SLC1A2: variants seen among roughly 807,000 people sequenced by gnomAD.
The protein encoded by SLC1A2 is solute carrier family 1 member 2.
SLC1A2 carries 15 observed loss-of-function variants against 48.8 expected under a neutral mutation model. That is an observed-to-expected ratio of 0.31 (90% confidence interval 0.21 to 0.47). The LOEUF is 0.47. Among genes scored for constraint, SLC1A2 ranks in the 20% least tolerant of loss-of-function variants. The pLI is 0.99. For synonymous variants in SLC1A2, 279 were observed against 272.6 expected (o/e 1.02, Z -0.23); for missense variants, 502 against 730.5 (o/e 0.69, Z 3.61).
At chr11:35,344,189 A>C (rs1054754914) in intron 1 of SLC1A2, among the ~76,000 whole-genome samples, 1 of 152,220 alleles carries the variant, frequency 6.6e-6, no homozygotes, top group Non-Finnish European at 1.5e-5. Context: ...ACAGCAGTGA[A>C]TACCATAGAG....
intron 9 of SLC1A2, among the ~76,000 whole-genome samples, chr11:35,274,933 A>G (rs1850392337): frequency 6.6e-6 from 1 of 152,158 alleles, no homozygotes; most frequent in Non-Finnish European, 1.5e-5. Flanking sequence ...ACTCAAAAAA[A>G]AGTAGAGGTG....
In SLC1A2 at chr11:35,333,091, C is replaced by T. The variant is rs151182557; in HGVS notation, c.18-15575G>A. 4.0e-3 allele frequency among the ~76,000 whole-genome samples: 607 copies of T among 152,218 alleles called. 23 individuals are homozygous for T. Among genetic ancestry groups the T allele is most frequent in the Admixed American group, 0.031 (476 of 15,292 alleles). ...ATTCACTCTCCGAACAGGTCTCTTT[C>T]GCAGCTACTCAAAAAACATAACCTT... On this transcript the variant is annotated intron_variant, in intron 1 of 10. Transcript: ENST00000278379.
At chr11:35,296,700 T>A (rs368724336) in intron 6 of SLC1A2, among the ~76,000 whole-genome samples, 2 of 152,110 alleles carry the variant, frequency 1.3e-5, no homozygotes, top group Admixed American at 6.5e-5. Context: ...CTGCCACTTC[T>A]TCCTCTTGGA....
At chr11:35,322,969 A>G in intron 1 of SLC1A2, 1 of 582,136 alleles carries the variant, frequency 1.7e-6, no homozygotes. Context: ...AACTGTGTCA[A>G]AGATGTTTAC....
intron 1 of SLC1A2, among the ~76,000 whole-genome samples, chr11:35,403,798 A>T (rs543437071): frequency 1.0e-5 from 1 of 98,712 alleles, no homozygotes; most frequent in East Asian, 3.1e-4. Flanking sequence ...ATCTTATGAC[A>T]TGAGAAACTC....
Position 35,315,121 on chromosome 11 carries a change from T to A in SLC1A2, c.212A>T (p.His71Leu), listed in dbSNP as rs1275690532. ...GGLLRLASPI[H>L]PDVVMLIAFP... The stretch of plus-strand genomic sequence containing the variant: ...GGCTATTAACATAACCACATCAGGG[T>A]GGATGGGAGATGCCAAGCGAAGAAG... Residue 71 changes from histidine (H) to leucine (L), a missense_variant, in exon 3 of 11, where the codon CAC (histidine) becomes CTC (leucine). Physicochemically the swap from His to Leu is moderately conservative, Grantham distance 99. Around this residue, in one of 4 missense-constraint regions of SLC1A2, gnomAD observed 89 missense variants for 119.7 expected, o/e 0.74. Transcript: ENST00000278379. 6.2e-7 allele frequency: 1 copy of A among 1,612,520 alleles called. No homozygotes were observed. The highest frequency in any genetic ancestry group is 8.5e-7 in the Non-Finnish European group (1 of 1,178,714).
chr11:35,263,715 T>C (rs1950433623), intron 10 of SLC1A2, among the ~76,000 whole-genome samples: 2 of 152,248 alleles, frequency 1.3e-5, no homozygotes, highest in Non-Finnish European at 2.9e-5. Flanking sequence ...ACATAATTTT[T>C]CCTCATATGG....
At chr11:35,304,366 A>C (rs1851440781) in intron 5 of SLC1A2, among the ~76,000 whole-genome samples, 1 of 152,126 alleles carries the variant, frequency 6.6e-6, no homozygotes, top group South Asian at 2.1e-4. Context: ...TGGGTGTTTT[A>C]AGTTATGACC....
rs1301620270 is a variant in SLC1A2 at position 35,257,863 on chromosome 11, CT to C, written c.*3030del. 6.6e-6 allele frequency: 1 copy of C among 152,164 alleles called. No individual in the cohort carries two copies. The highest frequency in any genetic ancestry group is 1.5e-5 in the Non-Finnish European group (1 of 68,026). The allele number at this position is 152,164 out of a possible 1,614,324, so 9.4% of individuals were successfully genotyped here. ...GATGCAGTGTATGTATGTTTCTGGC[CT>C]GCTGTAACTGTATATAAATATAACA... On this transcript the variant is annotated 3_prime_UTR_variant, in exon 11 of 11. Transcript: ENST00000278379.
chr11:35,378,021 A>G lies in SLC1A2; in HGVS notation c.17+40929T>C, dbSNP rs116370740. Among the ~76,000 whole-genome samples, 725 of 152,358 alleles carry G rather than the reference A, an allele frequency of 4.8e-3. 6 individuals carry two copies. Among genetic ancestry groups the G allele is most frequent in the African/African-American group, 0.016 (670 of 41,580 alleles). On this transcript the variant is annotated intron_variant, in intron 1 of 10. Transcript: ENST00000278379. ...TGTGCAGGAACTTGGAGGTTCCTTTAGTAGTTTCAGCCAGAAGAATAAAGC... is the reference window on the plus strand; with the variant it reads ...TGTGCAGGAACTTGGAGGTTCCTTTGGTAGTTTCAGCCAGAAGAATAAAGC...
chr11:35,282,828 T>C (rs1422595396), intron 8 of SLC1A2, among the ~76,000 whole-genome samples: 1 of 152,196 alleles, frequency 6.6e-6, no homozygotes, highest in Non-Finnish European at 1.5e-5. Flanking sequence ...TTCCTGGAAG[T>C]TGCTTTCCCC....
At chr11:35,344,515 C>T (rs1307154783) in intron 1 of SLC1A2, among the ~76,000 whole-genome samples, 2 of 152,156 alleles carry the variant, frequency 1.3e-5, no homozygotes, top group Non-Finnish European at 2.9e-5. Flanking sequence ...ATGGAACTCT[C>T]CCCCTGAAAA....
At chr11:35,318,387 T>C (rs949823564) in intron 1 of SLC1A2, among the ~76,000 whole-genome samples, 1 of 152,210 alleles carries the variant, frequency 6.6e-6, no homozygotes, top group Non-Finnish European at 1.5e-5. Context: ...TTTTTCACTT[T>C]GATATCTTAG....
intron 1 of SLC1A2, among the ~76,000 whole-genome samples, chr11:35,324,820 C>G (rs1017832146): frequency 6.6e-6 from 1 of 152,058 alleles, no homozygotes; most frequent in Non-Finnish European, 1.5e-5. Context: ...CAGCTTTGAC[C>G]CAACAAATTT....
intron 1 of SLC1A2, among the ~76,000 whole-genome samples, chr11:35,414,537 G>A (rs569177935): frequency 6.6e-6 from 1 of 152,264 alleles, no homozygotes; most frequent in African/African-American, 2.4e-5. Context: ...GGTGAGGGGC[G>A]GGCAGAGGGA....
chr11:35,293,311 A>T (rs889583616), intron 6 of SLC1A2, among the ~76,000 whole-genome samples: 1 of 152,228 alleles, frequency 6.6e-6, no homozygotes, highest in African/African-American at 2.4e-5. Context: ...GAAACTCCCA[A>T]CTGGGGGATT....
intron 1 of SLC1A2, among the ~76,000 whole-genome samples, chr11:35,366,497 C>T (rs1260250191): frequency 4.6e-5 from 7 of 152,200 alleles, no homozygotes; most frequent in African/African-American, 1.7e-4. Flanking sequence ...CCTTGTTCCT[C>T]AGGAGGGTAA....
intron 1 of SLC1A2, chr11:35,322,631 G>C: frequency 6.5e-7 from 1 of 1,535,188 alleles, no homozygotes; most frequent in Non-Finnish European, 8.7e-7. Context: ...GAGGTACTGG[G>C]GAGATAAAGA....
At chr11:35,295,460 T>C (rs1173381118) in intron 6 of SLC1A2, among the ~76,000 whole-genome samples, 1 of 152,230 alleles carries the variant, frequency 6.6e-6, no homozygotes, top group Admixed American at 6.5e-5. Flanking sequence ...TGGAAAAGGA[T>C]GGGCAAATGC....
Sources: allele counts gnomAD v4.1 joint callset (sites outside exome capture counted in the v4.1 genomes callset), GRCh38; gene constraint gnomAD v4.1.1; regional missense constraint gnomAD v4.1.1; transcripts MANE v1.5; gene names NCBI Gene and HGNC (gene_info 2026-07-23, HGNC 2026-07-21).